Variants in ARAP3 observed in about 807,000 individuals in gnomAD.
ARAP3 encodes the protein arf-GAP with Rho-GAP domain, ANK repeat and PH domain-containing protein 3.
Under a neutral mutation model 169.2 loss-of-function variants are expected in ARAP3, and 82 were observed. The observed-to-expected ratio is 0.48, with a 90% CI of 0.41 to 0.58. The LOEUF is 0.58. ARAP3 is among the 20% of genes least tolerant of loss of function. ARAP3 has a pLI of 0.00. For missense variants in ARAP3, 1,764 were observed against 2,018.0 expected (o/e 0.87, Z 2.41); for synonymous variants, 791 against 800.3 (o/e 0.99, Z 0.20).
At chr5:141,673,844 G>C (rs748164401) in intron 4 of ARAP3, 36 bp from the exon 5 acceptor site, 1 of 1,604,534 alleles carries the variant, frequency 6.2e-7, no homozygotes, top group African/African-American at 1.3e-5. Context: ...ACACACATTA[G>C]ACAAGTACCC....
Position 141,656,175 on chromosome 5 carries a change from G to T in ARAP3, c.3872+19C>A. On this transcript the variant is annotated intron_variant, in intron 28 of 32. Coordinates refer to ENST00000239440, the MANE Select transcript of ARAP3 (RefSeq NM_022481.6). ...AGGCAGGAAGGCCCTGGAAGTGCGG[G>T]CTGGGGAAGAAAACTCACGGTGTTG... The T allele has an allele frequency of 6.2e-7, 1 of 1,614,138 alleles. No homozygotes were observed.
chr5:141,675,583 T>A (rs1404160586), intron 4 of ARAP3, among the ~76,000 whole-genome samples: 1 of 151,484 alleles, frequency 6.6e-6, no homozygotes, highest in East Asian at 1.9e-4. Flanking sequence ...ATTAGCCAGG[T>A]GTGCTGGCGG....
intron 16 of ARAP3, 95 bp downstream of exon 16, chr5:141,669,614 G>T: frequency 8.3e-7 from 1 of 1,201,798 alleles, no homozygotes; most frequent in Non-Finnish European, 1.2e-6. Context: ...AGCTGTTAGT[G>T]GAAGAAGTGG....
intron 22 of ARAP3, 123 bp from the exon 23 acceptor site, chr5:141,659,599 A>T: frequency 7.6e-7 from 1 of 1,319,100 alleles, no homozygotes; most frequent in Middle Eastern, 1.9e-4. Flanking sequence ...CAAGGGGGTG[A>T]GGATGTTGGA....
intron 1 of ARAP3, among the ~76,000 whole-genome samples, 157 bp downstream of exon 1, chr5:141,682,016 T>G (rs1596503347): frequency 1.4e-4 from 8 of 56,256 alleles, no homozygotes; most frequent in African/African-American, 2.6e-4. Flanking sequence ...CGAGGAGGGA[T>G]GGGGCAGAGG....
At chr5:141,677,227 A>G (rs895884266) in intron 4 of ARAP3, among the ~76,000 whole-genome samples, 1 of 152,240 alleles carries the variant, frequency 6.6e-6, no homozygotes, top group Non-Finnish European at 1.5e-5. Context: ...TTTTTACTAC[A>G]TAAAAATTCT....
At chr5:141,657,826 G>T (rs977555772) in intron 25 of ARAP3, among the ~76,000 whole-genome samples, 1 of 152,112 alleles carries the variant, frequency 6.6e-6, no homozygotes, top group Non-Finnish European at 1.5e-5. Flanking sequence ...AATGGCCTAG[G>T]CTTTTTTTTT....
At chr5:141,663,685 G>T (rs752550551) in intron 19 of ARAP3, among the ~76,000 whole-genome samples, 5 of 152,204 alleles carry the variant, frequency 3.3e-5, no homozygotes, top group Admixed American at 6.5e-5. Context: ...TGTAGCGAGT[G>T]GGGGAGGTCA....
At chr5:141,661,826 G>A in intron 20 of ARAP3, 37 bp from the exon 21 acceptor site, 1 of 1,605,314 alleles carries the variant, frequency 6.2e-7, no homozygotes, top group Non-Finnish European at 8.5e-7. Flanking sequence ...GGAGGACCCG[G>A]GAAGAAAGAG....
Position 141,655,633 on chromosome 5 carries a change from G to A in ARAP3, c.4098C>T (p.Ala1366=). The change falls in exon 31 of 33, where the codon GCC becomes GCT. Residue 1366 remains alanine, a synonymous_variant. Transcript: ENST00000239440. ...TGGGGTGCCTTACCAGGGTCTGATT[G>A]GCAGAGAGGAGGGTGGCTCCACTGT... ...GDDSGATLLS[A]NQTLRRLHNR... The A allele has an allele frequency of 6.2e-7, 1 of 1,614,056 alleles. No homozygotes were observed. The highest frequency in any genetic ancestry group is 8.5e-7 in the Non-Finnish European group (1 of 1,179,952).
intron 23 of ARAP3, 75 bp downstream of exon 23, chr5:141,659,333 C>T: frequency 7.0e-7 from 1 of 1,432,690 alleles, no homozygotes; most frequent in Non-Finnish European, 9.8e-7. Context: ...ACTTCCTCAA[C>T]TGGGCAGAAA....
In ARAP3 at chr5:141,669,731, G is replaced by T. The variant is rs1186954888; in HGVS notation, c.2330C>A (p.Ala777Asp). ...CACCTTGCCCACAGCACTAGTCCAG[G>T]CCTCCAGACTGTCAGCTCCATCTGT... ...FGTDGADSLEAWTSAVGKWFS... is the reference protein window; with the variant it reads ...FGTDGADSLEDWTSAVGKWFS... Residue 777 changes from alanine to aspartate, a missense_variant, in exon 16 of 33, where the codon GCC (alanine) becomes GAC (aspartate). By Grantham distance (126) the Ala-to-Asp change is moderately radical (BLOSUM62 -2). Coordinates refer to ENST00000239440, the MANE Select transcript of ARAP3 (RefSeq NM_022481.6). 1 of 1,614,002 alleles carries T rather than the reference G, an allele frequency of 6.2e-7. No homozygotes were observed. Among genetic ancestry groups the T allele is most frequent in the Non-Finnish European group, 8.5e-7 (1 of 1,179,988 alleles).
intron 6 of ARAP3, 81 bp downstream of exon 6, chr5:141,673,320 A>T: frequency 6.6e-7 from 1 of 1,512,582 alleles, no homozygotes; most frequent in Non-Finnish European, 9.2e-7. Context: ...CACACAATGG[A>T]CTTCCCTCCT....
intron 19 of ARAP3, among the ~76,000 whole-genome samples, chr5:141,664,007 G>A (rs1230263889): frequency 2.6e-5 from 4 of 152,306 alleles, no homozygotes; most frequent in Admixed American, 2.6e-4. Context: ...TTAGTTTTCT[G>A]TGAATTTTCC....
At chr5:141,659,591 A>C in intron 22 of ARAP3, 115 bp from the exon 23 acceptor site, 1 of 1,357,628 alleles carries the variant, frequency 7.4e-7, no homozygotes, top group South Asian at 1.2e-5. Context: ...CTAAGAACCA[A>C]GGGGGTGAGG....
intron 17 of ARAP3, 77 bp downstream of exon 17, chr5:141,666,347 C>G (rs1195444473): frequency 7.7e-7 from 1 of 1,304,814 alleles, no homozygotes; most frequent in African/African-American, 1.5e-5. Context: ...CATAAGAACC[C>G]CCAAATAATA....
intron 4 of ARAP3, among the ~76,000 whole-genome samples, chr5:141,678,107 C>T (rs1382053007): frequency 1.3e-5 from 2 of 152,048 alleles, no homozygotes; most frequent in Non-Finnish European, 2.9e-5. Context: ...CCACCACGCC[C>T]GGCTATATTT....
In ARAP3 at chr5:141,656,516, GAGC is replaced by G; in HGVS notation, c.3774_3776del (p.Leu1259del). The G allele has an allele frequency of 6.2e-7, 1 of 1,611,994 alleles. No homozygotes were observed. Among genetic ancestry groups the G allele is most frequent in the Non-Finnish European group, 8.5e-7 (1 of 1,179,052 alleles). ...CCCAGGGCCTCACTTTCTTCTCCTT[GAGC>G]AGCAGCAGGCAGCGGCCACGCAGCA... On this transcript the variant is annotated inframe_deletion, in exon 27 of 33. Transcript: ENST00000239440.
rs201804177 is a variant in ARAP3 at position 141,656,585 on chromosome 5, T to C, written c.3708A>G (p.Pro1236=). The change falls in exon 27 of 33, where the codon CCA becomes CCG. Residue 1236 remains proline (P), a synonymous_variant. Coordinates refer to ENST00000239440, the MANE Select transcript of ARAP3 (RefSeq NM_022481.6). ...GGAAGCGGCTTCCCAGCAAGCGAGG[T>C]GGCTCCTCACGACACCGCAACAGCC... ...RVGLLRCREE[P]PRLLGSRFQE... is the part of the protein sequence containing the mutation. 3.2e-5 allele frequency: 52 copies of C among 1,612,782 alleles called. No individual in the cohort carries two copies. The highest frequency in any genetic ancestry group is 4.2e-5 in the Non-Finnish European group (50 of 1,179,486).
Sources: gnomAD v4.1 joint callset for allele counts (sites outside exome capture counted in the v4.1 genomes callset) on GRCh38, gnomAD v4.1.1 for gene constraint, MANE v1.5 for transcripts, NCBI Gene and HGNC (gene_info 2026-07-23, HGNC 2026-07-21) for gene names.